HIPK2: variants seen among roughly 807,000 people sequenced by gnomAD.
The protein encoded by HIPK2 is homeodomain interacting protein kinase 2, also known as homeodomain-interacting protein kinase 2.
Under a neutral mutation model 113.7 loss-of-function variants are expected in HIPK2, and 27 were observed. The observed-to-expected ratio is 0.24, with a 90% CI of 0.17 to 0.33. The LOEUF (loss-of-function observed/expected upper bound fraction) is 0.33, where lower values mean the gene tolerates loss of function less well. HIPK2 is among the 10% of genes least tolerant of loss of function. The probability of loss-of-function intolerance (pLI) is 1.00; values close to 1 mark genes in which losing one functional copy is unlikely to be tolerated. For missense variants in HIPK2, 1,257 were observed against 1,588.0 expected (o/e 0.79, Z 3.54); for synonymous variants, 631 against 642.2 (o/e 0.98, Z 0.26).
intron 9 of HIPK2, among the ~76,000 whole-genome samples, chr7:139,607,151 A>T (rs542234766): frequency 2.0e-5 from 3 of 152,316 alleles, no homozygotes; most frequent in African/African-American, 7.2e-5. Flanking sequence ...GGAGGTTTCA[A>T]AAAAGTTTAA....
chr7:139,751,006 C>T (rs1184835928), intron 1 of HIPK2, among the ~76,000 whole-genome samples: 1 of 152,120 alleles, frequency 6.6e-6, no homozygotes, highest in African/African-American at 2.4e-5. Context: ...TAACTTTGAA[C>T]TTCTATATTT....
intron 1 of HIPK2, among the ~76,000 whole-genome samples, chr7:139,747,759 T>G (rs1003936678): frequency 6.6e-6 from 1 of 152,222 alleles, no homozygotes; most frequent in Non-Finnish European, 1.5e-5. Flanking sequence ...GGTTTTTCCC[T>G]TGGGTCCCAT....
chr7:139,718,224 G>A (rs557089926), intron 1 of HIPK2, among the ~76,000 whole-genome samples: 77 of 152,170 alleles, frequency 5.1e-4, no homozygotes, highest in Non-Finnish European at 9.1e-4. Context: ...GGTTAAAAGA[G>A]TAACAAACAT....
At chr7:139,733,009 G>A (rs745566037) in intron 1 of HIPK2, among the ~76,000 whole-genome samples, 8 of 151,862 alleles carry the variant, frequency 5.3e-5, no homozygotes, top group Admixed American at 6.6e-5. Context: ...TCCTTGCAAC[G>A]GGAGTGAGTT....
Position 139,630,390 on chromosome 7 carries a change from C to T in HIPK2, c.1347+775G>A, listed in dbSNP as rs142517255. On this transcript the variant is annotated intron_variant, in intron 4 of 14. Coordinates refer to ENST00000406875, the MANE Select transcript of HIPK2 (RefSeq NM_022740.5). This position sits in a 1 kb window ranked among gnomAD's most constrained non-coding sequence, Gnocchi z 4.0. The stretch of plus-strand genomic sequence containing the variant: ...CCCACACTTCTATACTGGGCAAACC[C>T]GCTTCATTCTTCCTTTTCTTTTTTT... Among the ~76,000 whole-genome samples, 682 of 152,178 alleles carry T rather than the reference C, an allele frequency of 4.5e-3. 2 individuals carry two copies. Among genetic ancestry groups the T allele is most frequent in the Non-Finnish European group, 8.2e-3 (556 of 67,996 alleles).
intron 13 of HIPK2, among the ~76,000 whole-genome samples, chr7:139,582,871 C>A (rs1161182671): frequency 6.6e-6 from 1 of 152,250 alleles, no homozygotes; most frequent in African/African-American, 2.4e-5. Context: ...TACGCTTCAT[C>A]CTCAGTGGCA....
intron 6 of HIPK2, among the ~76,000 whole-genome samples, chr7:139,625,161 T>C (rs1213670808): frequency 2.0e-5 from 3 of 152,130 alleles, no homozygotes; most frequent in Admixed American, 2.0e-4. Flanking sequence ...CTGAACCCTG[T>C]CTTAAAAACA....
intron 1 of HIPK2, among the ~76,000 whole-genome samples, chr7:139,769,223 A>T (rs1194972575): frequency 1.6e-5 from 2 of 127,198 alleles, no homozygotes; most frequent in African/African-American, 6.3e-5. Context: ...CCACCCCAAC[A>T]GCAGCCCTGC....
At chr7:139,745,505 A>G (rs1007742112) in intron 1 of HIPK2, among the ~76,000 whole-genome samples, 1 of 152,328 alleles carries the variant, frequency 6.6e-6, no homozygotes, top group Middle Eastern at 3.4e-3. Context: ...CAGGGCCTCG[A>G]GGACTCTAAG....
intron 12 of HIPK2, among the ~76,000 whole-genome samples, chr7:139,590,206 C>T (rs143326044): frequency 8.5e-5 from 13 of 152,142 alleles, no homozygotes; most frequent in Non-Finnish European, 1.6e-4. Context: ...AGAGAGATAG[C>T]GATAGGGGCA....
chr7:139,741,337 C>T (rs946543534), intron 1 of HIPK2, among the ~76,000 whole-genome samples: 10 of 152,146 alleles, frequency 6.6e-5, no homozygotes, highest in African/African-American at 2.4e-4. Flanking sequence ...TGTGCTGAGC[C>T]TCATAGGCCT....
chr7:139,648,724 C>T (rs929864898), intron 2 of HIPK2, among the ~76,000 whole-genome samples: 5 of 152,070 alleles, frequency 3.3e-5, no homozygotes, highest in Non-Finnish European at 7.4e-5. Flanking sequence ...GGACGGAGGA[C>T]GGCTCTTGGG....
chr7:139,693,127 T>C (rs1345152874), intron 2 of HIPK2, among the ~76,000 whole-genome samples: 1 of 152,242 alleles, frequency 6.6e-6, no homozygotes, highest in Non-Finnish European at 1.5e-5. Flanking sequence ...CCAAAGGCTC[T>C]ATCACTTAGT....
At chr7:139,608,546 C>G (rs1585270670) in intron 9 of HIPK2, among the ~76,000 whole-genome samples, 2 of 151,746 alleles carry the variant, frequency 1.3e-5, no homozygotes, top group East Asian at 3.9e-4. Flanking sequence ...AAATAACTTC[C>G]CCAAAGCCAT....
rs764243814 is a variant in HIPK2, at chr7:139,613,588, T to C, written c.1991-265A>G. On this transcript the variant is annotated intron_variant, in intron 8 of 14. Transcript: ENST00000406875. This position sits in a 1 kb window ranked among gnomAD's most constrained non-coding sequence, Gnocchi z 4.2. ...TGTAAGGCCAAAAGTAGGACAGATA[T>C]GCTCGCAGATTACAACAGGAAAACA... Among the ~76,000 whole-genome samples the C allele has an allele frequency of 3.9e-5, 6 of 152,218 alleles. No homozygotes were observed. Among genetic ancestry groups the C allele is most frequent in the Non-Finnish European group, 5.9e-5 (4 of 68,044 alleles).
chr7:139,623,517 CAAAAAAAAAAAAAAA>C (rs771370297), intron 6 of HIPK2, among the ~76,000 whole-genome samples: 10 of 74,112 alleles, frequency 1.3e-4, no homozygotes. Flanking sequence ...GACTCTACTT[CAAAAAAAAAAAAAAA>C]AAAAAAGAAA....
At chr7:139,617,671 C>T (rs905161163) in intron 7 of HIPK2, among the ~76,000 whole-genome samples, 4 of 152,094 alleles carry the variant, frequency 2.6e-5, no homozygotes, top group Admixed American at 6.5e-5. Flanking sequence ...TGAGACTTAA[C>T]GGGTTATGAA....
chr7:139,646,278 T>C (rs1035607585), intron 2 of HIPK2, among the ~76,000 whole-genome samples: 5 of 151,998 alleles, frequency 3.3e-5, no homozygotes, highest in African/African-American at 1.2e-4. Context: ...GGAGGATCAC[T>C]TGAGGCCAGG....
chr7:139,573,032 T>C lies in HIPK2; in HGVS notation c.3492A>G (p.Pro1164=). The change falls in exon 15 of 15, where the codon CCA becomes CCG. Residue 1164 remains proline (P), a synonymous_variant. Coordinates refer to ENST00000406875, the MANE Select transcript of HIPK2 (RefSeq NM_022740.5). ...TGTAGGTCTGGTGGGCAAATTGGGC[T>C]GGATACTGACTCGGGTGGATGGTGG... ...PSPTIHPSQY[P]AQFAHQTYIS... 1 of 1,612,576 alleles carries C rather than the reference T, an allele frequency of 6.2e-7. No homozygotes were observed. Among genetic ancestry groups the C allele is most frequent in the Non-Finnish European group, 8.5e-7 (1 of 1,179,466 alleles).
Sources: gnomAD v4.1 joint callset for allele counts (sites outside exome capture counted in the v4.1 genomes callset) on GRCh38, gnomAD v4.1.1 for gene constraint, Gnocchi (gnomAD v3.1) non-coding constraint, MANE v1.5 for transcripts, NCBI Gene and HGNC (gene_info 2026-07-23, HGNC 2026-07-21) for gene names.